Variants in XKR6 observed in about 807,000 individuals in gnomAD.
XKR6 encodes XK related 6.
A neutral mutation model predicts 56.7 loss-of-function variants in XKR6; 22 were observed. That is an observed-to-expected ratio of 0.39 (90% CI 0.28 to 0.55). The LOEUF is 0.55. XKR6 is among the 20% of genes least tolerant of loss of function. The pLI is 0.66. For missense variants in XKR6, 852 were observed against 889.0 expected (o/e 0.96, Z 0.53); for synonymous variants, 524 against 387.8 (o/e 1.35, Z -4.13).
At chr8:11,035,796 A>G (rs1411696016) in intron 1 of XKR6, among the ~76,000 whole-genome samples, 11 of 152,056 alleles carry the variant, frequency 7.2e-5, no homozygotes, top group Admixed American at 7.2e-4. Flanking sequence ...GAGGAGAGGG[A>G]GGTAAGTGGT....
At chr8:11,025,110 G>A (rs1024750451) in intron 1 of XKR6, among the ~76,000 whole-genome samples, 3 of 152,222 alleles carry the variant, frequency 2.0e-5, no homozygotes, top group African/African-American at 7.2e-5. Context: ...GCATGTCACA[G>A]AGGGGTGAGC....
intron 1 of XKR6, among the ~76,000 whole-genome samples, chr8:10,991,204 A>G (rs893807164): frequency 5.3e-5 from 8 of 152,020 alleles, no homozygotes; most frequent in African/African-American, 1.9e-4. Flanking sequence ...CCAGCTGGGA[A>G]TGTCTTACTG....
chr8:11,014,537 T>C (rs1586432381), intron 1 of XKR6, among the ~76,000 whole-genome samples: 1 of 151,840 alleles, frequency 6.6e-6, no homozygotes, highest in Admixed American at 6.6e-5. Context: ...GGCCAGGAGG[T>C]GCAGGCAGGT....
At chr8:11,023,306 C>A (rs80019683) in intron 1 of XKR6, among the ~76,000 whole-genome samples, 1 of 152,198 alleles carries the variant, frequency 6.6e-6, no homozygotes, top group African/African-American at 2.4e-5. Context: ...CAGTGAGGCA[C>A]CTCACAGGCC....
intron 1 of XKR6, among the ~76,000 whole-genome samples, chr8:11,075,927 C>T (rs1374081645): frequency 6.6e-6 from 1 of 152,168 alleles, no homozygotes; most frequent in African/African-American, 2.4e-5. Flanking sequence ...ACTCTGTGCT[C>T]ACAGCAGCAT....
intron 1 of XKR6, among the ~76,000 whole-genome samples, chr8:11,122,964 C>A (rs1799527948): frequency 6.6e-6 from 1 of 152,204 alleles, no homozygotes; most frequent in African/African-American, 2.4e-5. Context: ...CTGCCGGGTG[C>A]AGTGGCTCAC....
At chr8:10,994,929 G>T (rs1798075931) in intron 1 of XKR6, among the ~76,000 whole-genome samples, 1 of 152,144 alleles carries the variant, frequency 6.6e-6, no homozygotes, top group African/African-American at 2.4e-5. Context: ...GGGATACACA[G>T]AAAACACACT....
At chr8:11,157,968 A>G (rs745544368) in intron 1 of XKR6, among the ~76,000 whole-genome samples, 3 of 152,234 alleles carry the variant, frequency 2.0e-5, no homozygotes, top group Non-Finnish European at 4.4e-5. Context: ...ACTCAAACCA[A>G]AGCAAAAATC....
At chr8:10,922,635 G>T (rs533257788) in intron 2 of XKR6, among the ~76,000 whole-genome samples, 3 of 152,144 alleles carry the variant, frequency 2.0e-5, no homozygotes, top group Non-Finnish European at 4.4e-5. Flanking sequence ...TTTTCTCAGC[G>T]ATCCTGTGAG....
intron 1 of XKR6, among the ~76,000 whole-genome samples, chr8:11,066,694 A>T (rs1408570339): frequency 6.6e-6 from 1 of 152,174 alleles, no homozygotes; most frequent in Non-Finnish European, 1.5e-5. Flanking sequence ...ACATTCTCAT[A>T]CACTGTTCTT....
intron 1 of XKR6, among the ~76,000 whole-genome samples, chr8:11,041,419 G>T (rs1030776332): frequency 6.6e-6 from 1 of 152,102 alleles, no homozygotes; most frequent in Admixed American, 6.6e-5. Context: ...AGCTGGGCGT[G>T]GTGGTGCGTG....
rs982714715 is a variant in XKR6 at position 11,183,089 on chromosome 8, T to C, written c.764+17487A>G. On this transcript the variant is annotated intron_variant, in intron 1 of 2. Transcript: ENST00000416569. ...GAAACATTCCTTTGAATGCGTCTTGTATCCATTTTGTTTATTCACTTGTGT... is the reference window on the plus strand; with the variant it reads ...GAAACATTCCTTTGAATGCGTCTTGCATCCATTTTGTTTATTCACTTGTGT... 2.0e-5 allele frequency among the ~76,000 whole-genome samples: 3 copies of C among 152,214 alleles called. No individual in the cohort carries two copies. In the East Asian group the frequency reaches 5.8e-4, roughly 29 times the overall value.
At chr8:11,125,158 C>T (rs1799709598) in intron 1 of XKR6, among the ~76,000 whole-genome samples, 2 of 151,232 alleles carry the variant, frequency 1.3e-5, no homozygotes, top group Non-Finnish European at 1.5e-5. Context: ...TGAAAGCAAG[C>T]GTGGGGCCAT....
chr8:10,934,739 G>T (rs1424047915), intron 1 of XKR6, among the ~76,000 whole-genome samples: 1 of 142,798 alleles, frequency 7.0e-6, no homozygotes, highest in Non-Finnish European at 1.5e-5. Context: ...TTGCATCCCA[G>T]GGATGAAGCC....
intron 1 of XKR6, among the ~76,000 whole-genome samples, chr8:11,172,639 G>A (rs1802437364): frequency 6.6e-6 from 1 of 152,174 alleles, no homozygotes; most frequent in Admixed American, 6.5e-5. Context: ...GCTTACTGTT[G>A]CCGGGAATTG....
intron 1 of XKR6, among the ~76,000 whole-genome samples, chr8:10,984,732 C>CTCTCTATATATATATATATATATATA: frequency 6.7e-4 from 32 of 47,464 alleles, no homozygotes; most frequent in Non-Finnish European, 1.0e-3. Flanking sequence ...CTCTCTCTCT[C>CTCTCTATATATATATATATATATATA]TATATATATA....
At chr8:11,190,016 G>A (rs867382446) in intron 1 of XKR6, among the ~76,000 whole-genome samples, 7 of 152,160 alleles carry the variant, frequency 4.6e-5, no homozygotes, top group Non-Finnish European at 1.0e-4. Context: ...AATTAGACGG[G>A]TATGGTGGCT....
chr8:10,977,236 G>A (rs1445237318), intron 1 of XKR6, among the ~76,000 whole-genome samples: 1 of 152,116 alleles, frequency 6.6e-6, no homozygotes, highest in Non-Finnish European at 1.5e-5. Flanking sequence ...CCCAGGAGGG[G>A]TGGCCTGCCT....
Position 10,896,703 on chromosome 8 carries a change from C to T in XKR6, c.*1249G>A, listed in dbSNP as rs1054684796. On this transcript the variant is annotated 3_prime_UTR_variant, in exon 3 of 3. Transcript: ENST00000416569. The stretch of plus-strand genomic sequence containing the variant: ...AGTCTTTGAAATGGGTCAGTTATTA[C>T]AATTTTGACTTTTTATATATATGTA... 4 of 151,722 alleles carry T rather than the reference C, an allele frequency of 2.6e-5. No individual in the cohort carries two copies. Among genetic ancestry groups the T allele is most frequent in the Non-Finnish European group, 5.9e-5 (4 of 67,914 alleles). The allele number at this position is 151,722 out of a possible 1,614,324, so 9.4% of individuals were successfully genotyped here.
Sources: gnomAD v4.1 joint callset for allele counts (sites outside exome capture counted in the v4.1 genomes callset) on GRCh38, gnomAD v4.1.1 for gene constraint, MANE v1.5 for transcripts, NCBI Gene and HGNC (gene_info 2026-07-23, HGNC 2026-07-21) for gene names.